Variants in NAV2 observed in about 807,000 individuals in gnomAD.
The protein encoded by NAV2 is helicase, APC down-regulated 1.
In NAV2, 54 loss-of-function variants were observed where a neutral mutation model predicts 223.2. That is an observed-to-expected ratio of 0.24 (90% CI 0.19 to 0.30). The LOEUF is 0.30. NAV2 is among the 10% of genes least tolerant of loss of function. The pLI is 1.00. For missense variants in NAV2, 2,806 were observed against 3,147.5 expected (o/e 0.89, Z 2.60); for synonymous variants, 1,279 against 1,239.3 (o/e 1.03, Z -0.67).
intron 1 of NAV2, among the ~76,000 whole-genome samples, chr11:19,464,947 C>G (rs955740141): frequency 1.3e-5 from 2 of 152,168 alleles, no homozygotes; most frequent in African/African-American, 4.8e-5. Context: ...ATAATATTAG[C>G]TTTATAGAAC....
intron 11 of NAV2, among the ~76,000 whole-genome samples, chr11:19,995,066 G>A (rs1324702924): frequency 6.6e-6 from 1 of 152,208 alleles, no homozygotes; most frequent in Non-Finnish European, 1.5e-5. Flanking sequence ...GGAAAGGAGT[G>A]CAGTAGGAAC....
chr11:19,832,586 A>G lies in NAV2; in HGVS notation c.370A>G (p.Ile124Val). 6.2e-7 allele frequency: 1 copy of G among 1,614,128 alleles called. No homozygotes were observed. Among genetic ancestry groups the G allele is most frequent in the Non-Finnish European group, 8.5e-7 (1 of 1,179,978 alleles). Reference sequence around the variant, plus strand: ...GACAGATGGCGTCCTCCTGGCCCAGATTATCCAGGTTGTGGGTAAGAGCAG... The same window carrying G: ...GACAGATGGCGTCCTCCTGGCCCAGGTTATCCAGGTTGTGGGTAAGAGCAG... ...DVTDGVLLAQ[I>V]IQVVANEKIE... Residue 124 changes from isoleucine to valine, a missense_variant, in exon 2 of 38, where the codon ATT becomes GTT. By Grantham distance (29) the Ile-to-Val change is conservative. Coordinates refer to ENST00000349880, the MANE Select transcript of NAV2 (RefSeq NM_145117.5).
chr11:19,793,223 AAAAAAAGAAAGAAAG>A (rs1321026733), intron 1 of NAV2, among the ~76,000 whole-genome samples: 1 of 145,862 alleles, frequency 6.9e-6, no homozygotes, highest in Non-Finnish European at 1.5e-5. Context: ...AAAAAAAAAA[AAAAAAAGAAAGAAAG>A]AAAGAAAGAA....
At chr11:19,513,432 C>T (rs994470152) in intron 1 of NAV2, among the ~76,000 whole-genome samples, 1 of 152,148 alleles carries the variant, frequency 6.6e-6, no homozygotes, top group Non-Finnish European at 1.5e-5. Context: ...GTGGCTGCCA[C>T]ACTCCTTTCA....
intron 5 of NAV2, among the ~76,000 whole-genome samples, chr11:19,882,596 G>A (rs1221993161): frequency 2.0e-5 from 3 of 152,128 alleles, no homozygotes; most frequent in African/African-American, 4.8e-5. Context: ...GCTAACCTGA[G>A]GCATCCATTT....
At chr11:19,620,113 A>T (rs550245569) in intron 1 of NAV2, among the ~76,000 whole-genome samples, 2 of 151,954 alleles carry the variant, frequency 1.3e-5, no homozygotes, top group Non-Finnish European at 2.9e-5. Context: ...TGTTCCATTG[A>T]TCTATATCTC....
intron 1 of NAV2, among the ~76,000 whole-genome samples, chr11:19,735,484 A>T (rs916325085): frequency 6.6e-6 from 1 of 152,218 alleles, no homozygotes. Flanking sequence ...CAGGCACTGG[A>T]TTCATTAATC....
At chr11:19,636,631 C>T (rs1470908499) in intron 1 of NAV2, among the ~76,000 whole-genome samples, 1 of 152,054 alleles carries the variant, frequency 6.6e-6, no homozygotes, top group East Asian at 1.9e-4. Context: ...ACTGGGACTA[C>T]AGGAGTATTT....
chr11:19,433,936 G>A (rs1409841164), intron 1 of NAV2, among the ~76,000 whole-genome samples: 3 of 152,290 alleles, frequency 2.0e-5, no homozygotes, highest in South Asian at 2.1e-4. Context: ...CCTCAAAATC[G>A]CAATGGCTTA....
At position 19,545,362 on chromosome 11, in the gene NAV2, T is replaced by G. The variant is rs118054668; in HGVS notation, c.75+194335T>G. ...CTTTTTTCCTCCAAGCCTCTTTGGT[T>G]TAGAGACTGATATTTGTCTGCATGT... On this transcript the variant is annotated intron_variant, in intron 1 of 37. Transcript: ENST00000360655. 7.6e-4 allele frequency among the ~76,000 whole-genome samples: 116 copies of G among 152,322 alleles called. 1 individual carries two copies. Among genetic ancestry groups the G allele is most frequent in the Non-Finnish European group, 3.7e-4 (25 of 68,028 alleles).
intron 1 of NAV2, among the ~76,000 whole-genome samples, chr11:19,628,831 A>G (rs1186442371): frequency 1.3e-5 from 2 of 152,166 alleles, no homozygotes; most frequent in Non-Finnish European, 2.9e-5. Context: ...GGAATCATTG[A>G]TTACCATCAT....
At chr11:19,903,063 G>T (rs2042579584) in intron 6 of NAV2, among the ~76,000 whole-genome samples, 3 of 152,124 alleles carry the variant, frequency 2.0e-5, no homozygotes. Context: ...ACATCCTCAG[G>T]CTTCAGTGAC....
At chr11:19,800,412 T>C (rs776917183) in intron 1 of NAV2, among the ~76,000 whole-genome samples, 1 of 152,144 alleles carries the variant, frequency 6.6e-6, no homozygotes, top group African/African-American at 2.4e-5. Flanking sequence ...AGTTTTCAAG[T>C]CTCTCATGGT....
intron 1 of NAV2, among the ~76,000 whole-genome samples, chr11:19,408,039 A>G (rs757817837): frequency 2.6e-5 from 4 of 152,084 alleles, no homozygotes; most frequent in Non-Finnish European, 2.9e-5. Flanking sequence ...ACATTTCCCT[A>G]TGAAAACAGC....
intron 1 of NAV2, among the ~76,000 whole-genome samples, chr11:19,453,333 AG>A (rs528520574): frequency 6.6e-6 from 1 of 152,310 alleles, no homozygotes; most frequent in Admixed American, 6.5e-5. Context: ...CCAAGGAAGG[AG>A]AAAGCCTTTC....
rs760380857 is a variant in NAV2, at chr11:20,092,352, T to G, written c.5799T>G (p.Thr1933=). The G allele has an allele frequency of 6.2e-7, 1 of 1,612,820 alleles. No individual in the cohort carries two copies. Among genetic ancestry groups the G allele is most frequent in the Non-Finnish European group, 8.5e-7 (1 of 1,178,958 alleles). The part of the protein sequence containing the change: ...MGLSQHSLNL[T]ESTSLDMLLD... ...TCTCCCAGCACAGCTTGAACCTCAC[T>G]GAGTCAACCAGCCTGGGTGAGTGGC... Residue 1933 remains threonine, a synonymous_variant, in exon 28 of 38, where the codon ACT becomes ACG. Transcript: ENST00000349880.
chr11:19,862,896 TG>T (rs2061875113), intron 3 of NAV2, among the ~76,000 whole-genome samples: 1 of 152,224 alleles, frequency 6.6e-6, no homozygotes, highest in Non-Finnish European at 1.5e-5. Flanking sequence ...TTTTGCTTTT[TG>T]GTTTGGTTTC....
At chr11:19,705,327 C>T (rs1252919571) in intron 1 of NAV2, among the ~76,000 whole-genome samples, 4 of 152,184 alleles carry the variant, frequency 2.6e-5, no homozygotes, top group South Asian at 2.1e-4. Context: ...AGAATCCAGA[C>T]GTTTTGATTT....
At chr11:19,441,448 G>GCA (rs150858991) in intron 1 of NAV2, among the ~76,000 whole-genome samples, 46,195 of 145,724 alleles carry the variant, frequency 0.32, 7,238 homozygotes, top group East Asian at 0.54. Context: ...ACACACACAC[G>GCA]CACACACACA....
Sources: gnomAD v4.1 joint callset for allele counts (sites outside exome capture counted in the v4.1 genomes callset) on GRCh38, gnomAD v4.1.1 for gene constraint, MANE v1.5 for transcripts, NCBI Gene and HGNC (gene_info 2026-07-23, HGNC 2026-07-21) for gene names.